Variants in ARHGAP24 observed in about 807,000 individuals in gnomAD.
The protein encoded by ARHGAP24 is rho GTPase-activating protein 24.
In ARHGAP24, 50 loss-of-function variants were observed where a neutral mutation model predicts 76.4. The observed-to-expected ratio is 0.65, with a 90% CI of 0.52 to 0.83. The LOEUF is 0.83. Ranked by LOEUF, ARHGAP24 falls within the 40% of genes least tolerant of loss-of-function variation. ARHGAP24 has a pLI of 0.00. For missense variants in ARHGAP24, 930 were observed against 914.2 expected (o/e 1.02, Z -0.22); for synonymous variants, 345 against 323.3 (o/e 1.07, Z -0.72).
chr4:85,920,178 G>A (rs1228454797), intron 3 of ARHGAP24, among the ~76,000 whole-genome samples: 1 of 152,066 alleles, frequency 6.6e-6, no homozygotes, highest in Non-Finnish European at 1.5e-5. Flanking sequence ...TTTTTGCATA[G>A]GTAAGGGTGA....
intron 2 of ARHGAP24, among the ~76,000 whole-genome samples, chr4:85,624,820 G>A (rs1024388999): frequency 6.6e-6 from 1 of 152,138 alleles, no homozygotes; most frequent in African/African-American, 2.4e-5. Flanking sequence ...ATGTGTTGAG[G>A]AATTTATCCA....
chr4:85,588,230 T>C (rs1264956801), intron 2 of ARHGAP24, among the ~76,000 whole-genome samples: 1 of 152,202 alleles, frequency 6.6e-6, no homozygotes, highest in East Asian at 1.9e-4. Flanking sequence ...ATGCACATGA[T>C]TGGGTTCTTC....
intron 3 of ARHGAP24, among the ~76,000 whole-genome samples, chr4:85,812,163 G>A (rs919171606): frequency 2.0e-5 from 3 of 152,056 alleles, no homozygotes; most frequent in African/African-American, 4.8e-5. Context: ...GTGACAGAGT[G>A]AGACTCCATC....
chr4:85,487,726 A>ATATTATATATTATATAATATATATT (rs1270077824), intron 1 of ARHGAP24, among the ~76,000 whole-genome samples: 236 of 102,710 alleles, frequency 2.3e-3, no homozygotes, highest in African/African-American at 6.3e-3. Flanking sequence ...ATATATATTT[A>ATATTATATATTATATAATATATATT]TATTATATAT....
At chr4:85,878,054 C>A (rs1733035568) in intron 3 of ARHGAP24, among the ~76,000 whole-genome samples, 1 of 152,064 alleles carries the variant, frequency 6.6e-6, no homozygotes, top group Admixed American at 6.6e-5. Flanking sequence ...TAATATCTAA[C>A]TGAATTATTC....
At chr4:85,747,178 T>C (rs1227703029) in intron 3 of ARHGAP24, among the ~76,000 whole-genome samples, 1 of 152,224 alleles carries the variant, frequency 6.6e-6, no homozygotes, top group Non-Finnish European at 1.5e-5. Context: ...AAATAAGCTC[T>C]TTCATTTTTT....
intron 2 of ARHGAP24, among the ~76,000 whole-genome samples, chr4:85,695,763 T>C (rs139254873): frequency 6.6e-6 from 1 of 152,210 alleles, no homozygotes; most frequent in Non-Finnish European, 1.5e-5. Flanking sequence ...ATTAATTTAA[T>C]TTCCTCTTAG....
At chr4:85,635,119 T>G (rs1348176202) in intron 2 of ARHGAP24, among the ~76,000 whole-genome samples, 1 of 151,942 alleles carries the variant, frequency 6.6e-6, no homozygotes, top group Admixed American at 6.6e-5. Flanking sequence ...GTATAAAAAC[T>G]ACTTTGTAAT....
intron 2 of ARHGAP24, among the ~76,000 whole-genome samples, chr4:85,603,624 A>G (rs1216040426): frequency 6.6e-6 from 1 of 152,252 alleles, no homozygotes; most frequent in African/African-American, 2.4e-5. Flanking sequence ...AATTGTCATC[A>G]GTAGTACAAT....
At chr4:85,545,384 G>A (rs1211127187) in intron 1 of ARHGAP24, among the ~76,000 whole-genome samples, 1 of 152,114 alleles carries the variant, frequency 6.6e-6, no homozygotes, top group Non-Finnish European at 1.5e-5. Context: ...ACAGACGTGA[G>A]CCACCACACC....
chr4:85,540,415 T>A (rs1380798839), intron 1 of ARHGAP24, among the ~76,000 whole-genome samples: 3 of 152,168 alleles, frequency 2.0e-5, no homozygotes, highest in Non-Finnish European at 4.4e-5. Context: ...TTCTCAGTAG[T>A]CAGCAAGATA....
At chr4:85,964,678 A>C (rs559989553) in intron 5 of ARHGAP24, among the ~76,000 whole-genome samples, 2 of 152,098 alleles carry the variant, frequency 1.3e-5, no homozygotes, top group Non-Finnish European at 2.9e-5. Context: ...AAATTAATAA[A>C]TATCCATAAT....
rs114110660 is a variant in ARHGAP24, at chr4:85,826,176, A to G, written c.269-97472A>G. On this transcript the variant is annotated intron_variant, in intron 3 of 9. Coordinates refer to ENST00000395184, the MANE Select transcript of ARHGAP24 (RefSeq NM_001025616.3). ...CCCCTCTCCACAACTCGACCTCTAA[A>G]AAATGCTTAAGTAATTGTAGAGAAA... Among the ~76,000 whole-genome samples, 1,313 of 152,226 alleles carry G rather than the reference A, an allele frequency of 8.6e-3. 15 individuals are homozygous for G. The highest frequency in any genetic ancestry group is 0.03 in the African/African-American group (1,263 of 41,520).
At chr4:85,736,962 T>G (rs1725628995) in intron 3 of ARHGAP24, among the ~76,000 whole-genome samples, 1 of 152,218 alleles carries the variant, frequency 6.6e-6, no homozygotes, top group East Asian at 1.9e-4. Context: ...TCATTATTTC[T>G]AATGTGTTCA....
intron 2 of ARHGAP24, among the ~76,000 whole-genome samples, chr4:85,602,031 C>G (rs1406220344): frequency 2.8e-5 from 1 of 35,748 alleles, no homozygotes; most frequent in Non-Finnish European, 5.6e-5. Flanking sequence ...AGTGAACAGC[C>G]CACAAAGGCC....
chr4:85,863,325 T>C (rs1013089130), intron 3 of ARHGAP24, among the ~76,000 whole-genome samples: 1 of 152,116 alleles, frequency 6.6e-6, no homozygotes, highest in Non-Finnish European at 1.5e-5. Context: ...TGCCATGCCA[T>C]TATTTTCTAT....
At chr4:85,743,900 A>C (rs1203692453) in intron 3 of ARHGAP24, among the ~76,000 whole-genome samples, 1 of 152,218 alleles carries the variant, frequency 6.6e-6, no homozygotes, top group Non-Finnish European at 1.5e-5. Context: ...ATAACACAGA[A>C]GTATGGTATC....
intron 2 of ARHGAP24, among the ~76,000 whole-genome samples, chr4:85,640,411 T>C (rs1336775732): frequency 6.6e-6 from 1 of 152,188 alleles, no homozygotes; most frequent in Non-Finnish European, 1.5e-5. Context: ...CATGGCATGC[T>C]CCCCATTCTG....
At chr4:85,728,732 T>C (rs6853196) in intron 3 of ARHGAP24, among the ~76,000 whole-genome samples, 20,753 of 152,180 alleles carry the variant, frequency 0.14, 1,875 homozygotes, top group East Asian at 0.36. Flanking sequence ...AGTTATGAGA[T>C]AGATTCATGG....
Sources: gnomAD v4.1 joint callset for allele counts (sites outside exome capture counted in the v4.1 genomes callset) on GRCh38, gnomAD v4.1.1 for gene constraint, MANE v1.5 for transcripts, NCBI Gene and HGNC (gene_info 2026-07-23, HGNC 2026-07-21) for gene names.